Variants in INPP5A observed in about 807,000 individuals in gnomAD.
INPP5A encodes 43 kDa inositol polyphosphate 5-phophatase.
A neutral mutation model predicts 65.2 loss-of-function variants in INPP5A; 14 were observed. That is an observed-to-expected ratio of 0.21 (90% CI 0.14 to 0.34). The LOEUF is 0.34. INPP5A is among the 10% of genes least tolerant of loss of function. INPP5A has a pLI of 1.00. For missense variants in INPP5A, 431 were observed against 545.6 expected (o/e 0.79, Z 2.09); for synonymous variants, 207 against 208.3 (o/e 0.99, Z 0.05).
chr10:132,730,995 A>G (rs1302766992), intron 9 of INPP5A, among the ~76,000 whole-genome samples: 1 of 152,204 alleles, frequency 6.6e-6, no homozygotes, highest in Non-Finnish European at 1.5e-5. Context: ...GGGGAGGAAC[A>G]TTCCCGTGGA....
At chr10:132,718,468 C>T (rs1233081906) in intron 8 of INPP5A, among the ~76,000 whole-genome samples, 1 of 148,846 alleles carries the variant, frequency 6.7e-6, no homozygotes, top group Admixed American at 6.7e-5. Context: ...CTTCAGGGTT[C>T]TGTGGTGCCT....
At chr10:132,608,461 C>T (rs1002863527) in intron 2 of INPP5A, among the ~76,000 whole-genome samples, 11 of 152,208 alleles carry the variant, frequency 7.2e-5, no homozygotes, top group African/African-American at 2.2e-4. Flanking sequence ...TTATGGAGCC[C>T]GGTACTGTGC....
chr10:132,775,475 G>T (rs544428074), intron 12 of INPP5A, among the ~76,000 whole-genome samples: 2 of 152,120 alleles, frequency 1.3e-5, no homozygotes, highest in Non-Finnish European at 2.9e-5. Context: ...TGGGTACAGC[G>T]GTTGTGTGCA....
At chr10:132,552,811 C>T (rs112085791) in intron 1 of INPP5A, among the ~76,000 whole-genome samples, 2,317 of 136,148 alleles carry the variant, frequency 0.017, 49 homozygotes, top group African/African-American at 0.037. Flanking sequence ...GACTGGTGAA[C>T]GCCTTCTCAG....
intron 1 of INPP5A, among the ~76,000 whole-genome samples, chr10:132,594,395 G>A (rs867620103): frequency 2.0e-5 from 3 of 151,112 alleles, no homozygotes; most frequent in South Asian, 2.1e-4. Flanking sequence ...TTCCTGCGTC[G>A]GTGGAAACAT....
chr10:132,630,139 C>T (rs926894410), intron 2 of INPP5A, among the ~76,000 whole-genome samples: 3 of 151,996 alleles, frequency 2.0e-5, no homozygotes, highest in Non-Finnish European at 2.9e-5. Context: ...CAGGAAAAGG[C>T]GTCTATGAGG....
chr10:132,597,660 T>C (rs957956065), intron 1 of INPP5A, among the ~76,000 whole-genome samples: 30 of 152,216 alleles, frequency 2.0e-4, no homozygotes, highest in African/African-American at 6.5e-4. Context: ...TGTCTGCTTG[T>C]TCCTCTGTTT....
At position 132,558,780 on chromosome 10, in the gene INPP5A, C is replaced by T. The variant is rs73395353; in HGVS notation, c.75+20609C>T. Among the ~76,000 whole-genome samples, 596 of 152,366 alleles carry T rather than the reference C, an allele frequency of 3.9e-3. 2 individuals carry two copies. Among genetic ancestry groups the T allele is most frequent in the African/African-American group, 0.014 (566 of 41,590 alleles). On this transcript the variant is annotated intron_variant, in intron 1 of 15. Transcript: ENST00000368594. The stretch of plus-strand genomic sequence containing the variant: ...CTTTGCCTAAACTCCTCAGGGTCAG[C>T]GTGGGACCAGGATATTCCATGTGGC...
At chr10:132,638,607 AC>A in intron 2 of INPP5A, among the ~76,000 whole-genome samples, 1 of 152,224 alleles carries the variant, frequency 6.6e-6, no homozygotes, top group Admixed American at 6.5e-5. Context: ...TCGCTCTGTC[AC>A]CCAGGCTGGA....
chr10:132,699,610 G>A (rs1043160430), intron 6 of INPP5A, among the ~76,000 whole-genome samples: 5 of 152,136 alleles, frequency 3.3e-5, no homozygotes, highest in Admixed American at 6.5e-5. Flanking sequence ...CCCATAGGGA[G>A]CCCCATAGCT....
Position 132,687,382 on chromosome 10 carries a change from G to T in INPP5A, c.307-3010G>T, listed in dbSNP as rs1034657638. ...ACAGCCGAGTGCATCATGGCCACAC[G>T]CAGCCTTCTGGACCCAGCAGCAGCT... On this transcript the variant is annotated intron_variant, in intron 4 of 15. Transcript: ENST00000368594. 2.0e-5 allele frequency among the ~76,000 whole-genome samples: 3 copies of T among 152,220 alleles called. No individual in the cohort carries two copies. In the East Asian group the frequency reaches 5.8e-4, roughly 29 times the overall value.
chr10:132,638,651 T>C (rs911011991), intron 2 of INPP5A, among the ~76,000 whole-genome samples: 3 of 152,382 alleles, frequency 2.0e-5, no homozygotes, highest in African/African-American at 4.8e-5. Context: ...CACTGCAGCC[T>C]CTGCCTCTTG....
intron 4 of INPP5A, among the ~76,000 whole-genome samples, chr10:132,654,508 C>T (rs1469598833): frequency 6.6e-6 from 1 of 152,206 alleles, no homozygotes; most frequent in Non-Finnish European, 1.5e-5. Flanking sequence ...TTGCTGGGGG[C>T]CCTCGGGGTG....
At chr10:132,754,872 C>T (rs921203256) in intron 11 of INPP5A, among the ~76,000 whole-genome samples, 2 of 151,992 alleles carry the variant, frequency 1.3e-5, no homozygotes, top group African/African-American at 2.4e-5. Context: ...AGCGTGTGTG[C>T]GTGGATATGT....
chr10:132,595,383 T>C (rs1302426994), intron 1 of INPP5A, among the ~76,000 whole-genome samples: 2 of 152,260 alleles, frequency 1.3e-5, no homozygotes, highest in African/African-American at 4.8e-5. Context: ...GTGCTCATTG[T>C]AAATCTTTAC....
At chr10:132,566,540 A>G (rs1161981442) in intron 1 of INPP5A, among the ~76,000 whole-genome samples, 1 of 152,232 alleles carries the variant, frequency 6.6e-6, no homozygotes, top group African/African-American at 2.4e-5. Flanking sequence ...AAACGTAAGG[A>G]TAAGTTCATG....
intron 8 of INPP5A, among the ~76,000 whole-genome samples, chr10:132,719,107 C>G (rs1198377863): frequency 6.7e-6 from 1 of 148,464 alleles, no homozygotes; most frequent in African/African-American, 2.5e-5. Context: ...GTCTGGGCAC[C>G]TTAGACGACT....
Position 132,688,572 on chromosome 10 carries a change from CA to C in INPP5A, c.307-1816del, listed in dbSNP as rs1431354021. On this transcript the variant is annotated intron_variant, in intron 4 of 15. Coordinates refer to ENST00000368594, the MANE Select transcript of INPP5A (RefSeq NM_005539.5). ...AGGGTTGTGGGGTCATGGTTCTGCCCAAAACAAAGCAAGAGTGCATGAGTGC... is the reference window on the plus strand; with the variant it reads ...AGGGTTGTGGGGTCATGGTTCTGCCCAAACAAAGCAAGAGTGCATGAGTGC... 4.6e-5 allele frequency among the ~76,000 whole-genome samples: 7 copies of C among 152,156 alleles called. 1 individual carries two copies. The highest frequency in any genetic ancestry group is 3.8e-4 in the East Asian group (2 of 5,198).
Position 132,698,787 on chromosome 10 carries a change from C to T in INPP5A, c.474+868C>T, listed in dbSNP as rs1845387431. On this transcript the variant is annotated intron_variant, in intron 6 of 15. Transcript: ENST00000368594. The surrounding 1 kb of genome is among the most constrained non-coding windows in gnomAD (Gnocchi z 5.5). ...TCCGGACTTGTCTGCGCAGGCAGCC[C>T]CAAGAAGGATTGCTCTGCGGTCCTG... is the stretch of plus-strand genomic sequence containing the variant. 6.6e-6 allele frequency among the ~76,000 whole-genome samples: 1 copy of T among 152,208 alleles called. No homozygotes were observed. Among genetic ancestry groups the T allele is most frequent in the African/African-American group, 2.4e-5 (1 of 41,446 alleles).
Sources: allele counts gnomAD v4.1 joint callset (sites outside exome capture counted in the v4.1 genomes callset), GRCh38; gene constraint gnomAD v4.1.1; non-coding constraint Gnocchi (gnomAD v3.1); transcripts MANE v1.5; gene names NCBI Gene and HGNC (gene_info 2026-07-23, HGNC 2026-07-21).